Variants in RBBP9 observed in about 807,000 individuals in gnomAD.
RBBP9 encodes RB binding protein 9, serine hydrolase.
A neutral mutation model predicts 24.2 loss-of-function variants in RBBP9; 20 were observed. That is an observed-to-expected ratio of 0.83 (90% CI 0.58 to 1.20). RBBP9 has a LOEUF of 1.20. Among genes scored for constraint, RBBP9 ranks in the 50% most tolerant of loss-of-function variants. RBBP9 has a pLI of 0.00. For synonymous variants in RBBP9, 74 were observed against 84.6 expected (o/e 0.87, Z 0.69); for missense variants, 234 against 233.6 (o/e 1.00, Z -0.01).
rs1361169989 is a variant in RBBP9, at chr20:18,488,206, T to C, written c.*1558A>G. 7 of 152,132 alleles carry C rather than the reference T, an allele frequency of 4.6e-5. No individual in the cohort carries two copies. Among genetic ancestry groups the C allele is most frequent in the African/African-American group, 7.2e-5 (3 of 41,498 alleles). 9.4% of individuals were successfully genotyped at this position (152,132 alleles called of 1,614,324 possible). On this transcript the variant is annotated 3_prime_UTR_variant, in exon 5 of 5. Transcript: ENST00000337227. Reference sequence around the variant, plus strand: ...ACTGGAAATTATTTGAAGGAACACATAGCGATCATAATAGCCAAAAAATGT... The same window carrying C: ...ACTGGAAATTATTTGAAGGAACACACAGCGATCATAATAGCCAAAAAATGT...
chr20:18,494,648 T>G (rs1226122092), intron 2 of RBBP9, among the ~76,000 whole-genome samples: 4 of 151,906 alleles, frequency 2.6e-5, no homozygotes, highest in South Asian at 2.1e-4. Flanking sequence ...GCCACAGCAC[T>G]CTGGCCTGGG....
chr20:18,493,557 A>C (rs1054936609), intron 3 of RBBP9, among the ~76,000 whole-genome samples: 17 of 152,234 alleles, frequency 1.1e-4, no homozygotes, highest in African/African-American at 3.9e-4. Context: ...ATAGAAAGCC[A>C]TGCAGTGTCT....
At chr20:18,495,272 TG>T (rs1490501983) in intron 2 of RBBP9, among the ~76,000 whole-genome samples, 1 of 146,200 alleles carries the variant, frequency 6.8e-6, no homozygotes, top group Non-Finnish European at 1.5e-5. Flanking sequence ...GGGATCCTGT[TG>T]ATCTGTGACC....
intron 3 of RBBP9, among the ~76,000 whole-genome samples, chr20:18,493,378 A>G (rs573079332): frequency 5.9e-5 from 9 of 152,176 alleles, no homozygotes; most frequent in Non-Finnish European, 1.3e-4. Context: ...TCTACATTCT[A>G]TTGGCAGGAG....
intron 2 of RBBP9, 61 bp from the exon 3 acceptor site, chr20:18,494,124 T>G (rs1477546135): frequency 1.5e-6 from 2 of 1,325,104 alleles, no homozygotes; most frequent in Non-Finnish European, 2.1e-6. Flanking sequence ...AATCCAACGC[T>G]GCCCCACCTT....
intron 3 of RBBP9, among the ~76,000 whole-genome samples, chr20:18,490,951 T>G (rs940725806): frequency 6.6e-6 from 1 of 152,202 alleles, no homozygotes; most frequent in East Asian, 1.9e-4. Context: ...AGTGCTGGGA[T>G]TACAGGCGTG....
chr20:18,493,951 A>G lies in RBBP9; in HGVS notation c.248+7T>C. The G allele has an allele frequency of 6.3e-7, 1 of 1,599,326 alleles. No homozygotes were observed. The highest frequency in any genetic ancestry group is 8.5e-7 in the Non-Finnish European group (1 of 1,173,540). The stretch of plus-strand genomic sequence containing the variant: ...CAAAGGGGATAGCAGTTTAACAAAG[A>G]TCGCACCTCATGGCCGCGATGGCCC... On this transcript the variant is annotated splice_region_variant and intron_variant, in intron 3 of 4. Coordinates refer to ENST00000337227, the MANE Select transcript of RBBP9 (RefSeq NM_006606.3).
In RBBP9 at chr20:18,489,220, G is replaced by A. The variant is rs2059855301; in HGVS notation, c.*544C>T. ...TCCTGCCTGACTCCGGAAGACTCCT[G>A]TCTCAGTCTCTCTCAACATGTCTGA... is the stretch of plus-strand genomic sequence containing the variant. On this transcript the variant is annotated 3_prime_UTR_variant, in exon 5 of 5. Transcript: ENST00000337227. 6.6e-6 allele frequency: 1 copy of A among 152,442 alleles called. No homozygotes were observed. The highest frequency in any genetic ancestry group is 1.5e-5 in the Non-Finnish European group (1 of 68,216). 9.4% of individuals were successfully genotyped at this position (152,442 alleles called of 1,614,324 possible). A position where few individuals can be genotyped will look rare whatever the true frequency, so the allele number is the denominator to read the frequency against.
Position 18,493,986 on chromosome 20 carries a change from G to C in RBBP9, c.220C>G (p.His74Asp), listed in dbSNP as rs1245247391. The C allele has an allele frequency of 6.2e-7, 1 of 1,613,162 alleles. No homozygotes were observed. The highest frequency in any genetic ancestry group is 1.7e-5 in the Admixed American group (1 of 59,768). Residue 74 changes from histidine (H) to aspartate (D), a missense_variant, in exon 3 of 5, where the codon CAC becomes GAC. His to Asp is a moderately conservative substitution (Grantham distance 81). Coordinates refer to ENST00000337227, the MANE Select transcript of RBBP9 (RefSeq NM_006606.3). ...ATGGCCGCGATGGCCCCAGAACTGTGGCCAATGATGATAGTCTTCTCATCA... is the reference window on the plus strand; with the variant it reads ...ATGGCCGCGATGGCCCCAGAACTGTCGCCAATGATGATAGTCTTCTCATCA... ...HCDEKTIIIG[H>D]SSGAIAAMRY...
At chr20:18,494,809 C>T (rs987121809) in intron 2 of RBBP9, among the ~76,000 whole-genome samples, 3 of 152,156 alleles carry the variant, frequency 2.0e-5, no homozygotes, top group Admixed American at 6.5e-5. Context: ...CATTTTTAAA[C>T]ATTAGGACCT....
At chr20:18,494,749 G>T (rs1314943058) in intron 2 of RBBP9, among the ~76,000 whole-genome samples, 1 of 152,064 alleles carries the variant, frequency 6.6e-6, no homozygotes, top group Non-Finnish European at 1.5e-5. Context: ...CCAAAAAGGG[G>T]ATTCCTGAGA....
chr20:18,495,843 T>G lies in RBBP9; in HGVS notation c.137A>C (p.Asp46Ala). 2 of 1,567,950 alleles carry G rather than the reference T, an allele frequency of 1.3e-6. No homozygotes were observed. The highest frequency in any genetic ancestry group is 1.8e-6 in the Non-Finnish European group (2 of 1,140,588). ...GFQCLAKNMPDPITARESIWL... is the reference protein window; with the variant it reads ...GFQCLAKNMPAPITARESIWL... ...AAAACAAGTTTAAAACTTACTTGGG[T>G]CGGGCATGTTTTTAGCCAAACACTG... Residue 46 changes from aspartate (D) to alanine (A), a missense_variant, in exon 2 of 5, where the codon GAC becomes GCC. Transcript: ENST00000337227.
At chr20:18,493,394 C>A (rs1438399332) in intron 3 of RBBP9, among the ~76,000 whole-genome samples, 1 of 151,966 alleles carries the variant, frequency 6.6e-6, no homozygotes, top group African/African-American at 2.4e-5. Context: ...AGGAGACAGA[C>A]AAGAAATAAA....
intron 3 of RBBP9, among the ~76,000 whole-genome samples, chr20:18,492,635 TC>T (rs1600213335): frequency 6.6e-6 from 1 of 152,204 alleles, no homozygotes; most frequent in African/African-American, 2.4e-5. Flanking sequence ...AGGCACGATT[TC>T]CCTTTCATGA....
intron 1 of RBBP9, among the ~76,000 whole-genome samples, chr20:18,496,595 G>C (rs1200068577): frequency 6.6e-6 from 1 of 152,178 alleles, no homozygotes; most frequent in African/African-American, 2.4e-5. Flanking sequence ...CATAAGGGTC[G>C]TTTGGAAGAT....
At chr20:18,491,590 T>C (rs1325410343) in intron 3 of RBBP9, among the ~76,000 whole-genome samples, 3 of 152,060 alleles carry the variant, frequency 2.0e-5, no homozygotes, top group Non-Finnish European at 4.4e-5. Flanking sequence ...TAGGAGCCAG[T>C]AGAGTGAGTC....
At chr20:18,497,027 C>T in intron 1 of RBBP9, 42 bp downstream of exon 1, 4 of 1,543,962 alleles carry the variant, frequency 2.6e-6, no homozygotes, top group Non-Finnish European at 3.6e-6. Flanking sequence ...GCCGTCCCTC[C>T]CTCCAGGCTG....
At chr20:18,495,516 C>T (rs894451287) in intron 2 of RBBP9, among the ~76,000 whole-genome samples, 20 of 150,944 alleles carry the variant, frequency 1.3e-4, no homozygotes, top group Middle Eastern at 6.8e-3. Context: ...ATCTGCTGAC[C>T]TTCCCTCCAC....
rs879406044 is a variant in RBBP9 at position 18,488,972 on chromosome 20, T to TGC, written c.*791_*792insGC. On this transcript the variant is annotated 3_prime_UTR_variant, in exon 5 of 5. Coordinates refer to ENST00000337227, the MANE Select transcript of RBBP9 (RefSeq NM_006606.3). ...ATGTGTATGTGTGTGTGTGTGTGTGTATATATATATATATTTGCATTCCCC... is the reference window on the plus strand; with the variant it reads ...ATGTGTATGTGTGTGTGTGTGTGTGTGCATATATATATATATTTGCATTCCCC... 5.3e-5 allele frequency: 1 copy of TGC among 18,820 alleles called. No homozygotes were observed. Among genetic ancestry groups the TGC allele is most frequent in the East Asian group, 8.9e-4 (1 of 1,120 alleles). 1.2% of individuals were successfully genotyped at this position (18,820 alleles called of 1,614,324 possible). A position where few individuals can be genotyped will look rare whatever the true frequency, so the allele number is the denominator to read the frequency against.
Sources: gnomAD v4.1 joint callset for allele counts (sites outside exome capture counted in the v4.1 genomes callset) on GRCh38, gnomAD v4.1.1 for gene constraint, MANE v1.5 for transcripts, NCBI Gene and HGNC (gene_info 2026-07-23, HGNC 2026-07-21) for gene names.